Variants in EIF4G3 observed in about 807,000 individuals in gnomAD.
The protein encoded by EIF4G3 is eIF-4-gamma 3.
In EIF4G3, 34 loss-of-function variants were observed where a neutral mutation model predicts 186.4. The observed-to-expected ratio is 0.18, with a 90% CI of 0.14 to 0.24. The LOEUF is 0.24. EIF4G3 is among the 10% of genes least tolerant of loss of function. The pLI is 1.00. For missense variants in EIF4G3, 1,536 were observed against 1,948.5 expected, an observed-to-expected ratio of 0.79 and a Z score of 3.99; for synonymous variants, 673 against 679.5, an observed-to-expected ratio of 0.99 and a Z score of 0.15.
In EIF4G3 at chr1:20,851,277, T is replaced by A; in HGVS notation, c.3753A>T (p.Arg1251=). ...DVERNSTEAE[R]NKTRESAKPE... ...TCTCACCTGACTCCCTTGTTTTATTTCGCTCAGCCTCAGTGCTGTTCCTCT... is the reference window on the plus strand; with the variant it reads ...TCTCACCTGACTCCCTTGTTTTATTACGCTCAGCCTCAGTGCTGTTCCTCT... Residue 1251 remains arginine (R), a synonymous_variant, in exon 28 of 37, where the codon CGA becomes CGT. Transcript: ENST00000602326. 1 of 1,614,212 alleles carries A rather than the reference T, an allele frequency of 6.2e-7. No individual in the cohort carries two copies. Among genetic ancestry groups the A allele is most frequent in the Non-Finnish European group, 8.5e-7 (1 of 1,180,038 alleles).
intron 12 of EIF4G3, among the ~76,000 whole-genome samples, chr1:20,960,280 A>G (rs976481157): frequency 3.3e-5 from 5 of 152,190 alleles, no homozygotes; most frequent in African/African-American, 1.2e-4. Flanking sequence ...CAGCCTGGCC[A>G]ACAGGCGAAA....
At chr1:21,110,768 T>C (rs915528331) in intron 2 of EIF4G3, among the ~76,000 whole-genome samples, 6 of 152,090 alleles carry the variant, frequency 3.9e-5, no homozygotes, top group East Asian at 1.9e-4. Flanking sequence ...GGTTTCACCA[T>C]GTTGGCCAGG....
In EIF4G3 at chr1:21,093,230, C is replaced by T. The variant is rs575889638; in HGVS notation, c.-271-4017G>A. Among the ~76,000 whole-genome samples, 19 of 152,152 alleles carry T rather than the reference C, an allele frequency of 1.2e-4. 1 individual carries two copies. The South Asian group carries it at 3.5e-3, about 28-fold the overall frequency. On this transcript the variant is annotated intron_variant, in intron 2 of 36. Transcript: ENST00000602326. ...ACAAAGGGCTAATATCCAGAATCTA[C>T]AAAGAACTCAAACAAATTTACAAGA... is the stretch of plus-strand genomic sequence containing the variant.
chr1:20,853,387 A>G (rs2073949417), intron 27 of EIF4G3, among the ~76,000 whole-genome samples, 173 bp downstream of exon 27: 1 of 152,076 alleles, frequency 6.6e-6, no homozygotes, highest in African/African-American at 2.4e-5. Context: ...CAAATTCACC[A>G]CCCAATTATG....
chr1:20,880,049 A>T (rs1030498206), intron 19 of EIF4G3, among the ~76,000 whole-genome samples: 3 of 151,818 alleles, frequency 2.0e-5, no homozygotes, highest in African/African-American at 7.3e-5. Context: ...AATAGAAGAG[A>T]TCTTCCTAGA....
intron 14 of EIF4G3, among the ~76,000 whole-genome samples, chr1:20,931,113 A>G (rs2095289444): frequency 6.6e-6 from 1 of 152,038 alleles, no homozygotes; most frequent in Non-Finnish European, 1.5e-5. Context: ...GCATCCACAC[A>G]TAAGTGCAGG....
chr1:20,953,312 C>T (rs1244558304), intron 12 of EIF4G3, among the ~76,000 whole-genome samples: 1 of 151,436 alleles, frequency 6.6e-6, no homozygotes, highest in Admixed American at 6.6e-5. Flanking sequence ...CTGATTGGTA[C>T]AAGGAAAAAA....
intron 4 of EIF4G3, among the ~76,000 whole-genome samples, chr1:21,008,866 T>G (rs951833612): frequency 5.9e-5 from 9 of 152,200 alleles, no homozygotes; most frequent in African/African-American, 2.2e-4. Context: ...TAATAAATTG[T>G]GTTGAGAAAA....
intron 4 of EIF4G3, among the ~76,000 whole-genome samples, chr1:21,046,601 A>C (rs1446426783): frequency 6.6e-6 from 1 of 152,262 alleles, no homozygotes; most frequent in Non-Finnish European, 1.5e-5. Context: ...ACTTTGGACA[A>C]AAAGATTTAA....
At chr1:20,977,978 A>G (rs1279078209) in intron 10 of EIF4G3, among the ~76,000 whole-genome samples, 1 of 152,222 alleles carries the variant, frequency 6.6e-6, no homozygotes, top group Non-Finnish European at 1.5e-5. Flanking sequence ...TCAGTAAGAC[A>G]TCTTTAAAAA....
chr1:20,895,512 G>T lies in EIF4G3; in HGVS notation c.2000-11C>A. On this transcript the variant is annotated splice_polypyrimidine_tract_variant and intron_variant, in intron 16 of 36. Transcript: ENST00000602326. ...TAGGCTTCCAGGATTCTAGAAAGAGGAATATAGGCAGACACTGTTTGTAGG... is the reference window on the plus strand; with the variant it reads ...TAGGCTTCCAGGATTCTAGAAAGAGTAATATAGGCAGACACTGTTTGTAGG... The T allele has an allele frequency of 3.7e-6, 6 of 1,613,010 alleles. No homozygotes were observed. Among genetic ancestry groups the T allele is most frequent in the Non-Finnish European group, 5.1e-6 (6 of 1,179,408 alleles).
At chr1:21,093,240 A>C (rs1481242146) in intron 2 of EIF4G3, among the ~76,000 whole-genome samples, 3 of 152,220 alleles carry the variant, frequency 2.0e-5, no homozygotes, top group Non-Finnish European at 4.4e-5. Context: ...CAAAGAACTC[A>C]AACAAATTTA....
intron 3 of EIF4G3, among the ~76,000 whole-genome samples, chr1:21,074,313 C>T (rs922457525): frequency 6.6e-6 from 1 of 152,188 alleles, no homozygotes; most frequent in Non-Finnish European, 1.5e-5. Flanking sequence ...AACATCTCCA[C>T]ACATAACTAA....
chr1:21,034,434 C>A (rs7513791), intron 4 of EIF4G3, among the ~76,000 whole-genome samples: 4,984 of 152,258 alleles, frequency 0.033, 269 homozygotes, highest in African/African-American at 0.11. Flanking sequence ...ATTTAATGAG[C>A]AGTACTCTAC....
At chr1:20,901,316 C>G (rs987873018) in intron 15 of EIF4G3, among the ~76,000 whole-genome samples, 4 of 152,080 alleles carry the variant, frequency 2.6e-5, no homozygotes, top group African/African-American at 9.7e-5. Flanking sequence ...ATTTTAGACT[C>G]TACTATAGTC....
rs146499489 is a variant in EIF4G3, at chr1:21,057,505, G to T, written c.-195-6511C>A. On this transcript the variant is annotated intron_variant, in intron 3 of 36. Coordinates refer to ENST00000602326, the MANE Select transcript of EIF4G3 (RefSeq NM_001391906.1). ...TTAGCAACACTATAAAGAGAAGCAGGAAAATGACTTTTAAAAGGCAGATAG... is the reference window on the plus strand; with the variant it reads ...TTAGCAACACTATAAAGAGAAGCAGTAAAATGACTTTTAAAAGGCAGATAG... Among the ~76,000 whole-genome samples the T allele has an allele frequency of 7.9e-4, 120 of 152,198 alleles. No individual in the cohort carries two copies. In the East Asian group the frequency reaches 0.019, roughly 25 times the overall value.
At position 20,949,992 on chromosome 1, in the gene EIF4G3, C is replaced by A; in HGVS notation, c.823+11G>T. 2 of 1,608,244 alleles carry A rather than the reference C, an allele frequency of 1.2e-6. No homozygotes were observed. The highest frequency in any genetic ancestry group is 2.2e-5 in the South Asian group (2 of 90,728). ...TAAAGATAAGAGGGAGGAAAACAGT[C>A]ATACACAAACCTTGCTTCTGGTCGC... On this transcript the variant is annotated intron_variant, in intron 13 of 36. Coordinates refer to ENST00000602326, the MANE Select transcript of EIF4G3 (RefSeq NM_001391906.1).
intron 19 of EIF4G3, among the ~76,000 whole-genome samples, chr1:20,884,286 C>G (rs1291712553): frequency 6.6e-6 from 1 of 152,150 alleles, no homozygotes; most frequent in Non-Finnish European, 1.5e-5. Flanking sequence ...GGAGAGGACT[C>G]TGTTATAAAC....
At chr1:21,016,937 C>T (rs1252579516) in intron 4 of EIF4G3, among the ~76,000 whole-genome samples, 1 of 152,144 alleles carries the variant, frequency 6.6e-6, no homozygotes, top group Non-Finnish European at 1.5e-5. Flanking sequence ...CCACTGCACT[C>T]CAGCCTGGTG....
Sources: gnomAD v4.1 joint callset for allele counts (sites outside exome capture counted in the v4.1 genomes callset) on GRCh38, gnomAD v4.1.1 for gene constraint, MANE v1.5 for transcripts, NCBI Gene and HGNC (gene_info 2026-07-23, HGNC 2026-07-21) for gene names.